DNAJC10: variants seen among roughly 807,000 people sequenced by gnomAD.
The protein encoded by DNAJC10 is endoplasmic reticulum disulfide reductase DNAJC10.
DNAJC10 carries 101 observed loss-of-function variants against 115.0 expected under a neutral mutation model. The ratio of observed to expected loss-of-function variants is 0.88; its 90% CI spans 0.75 to 1.04. The LOEUF (loss-of-function observed/expected upper bound fraction) is 1.04, where lower values mean the gene tolerates loss of function less well. Among genes scored for constraint, DNAJC10 ranks in the 50% least tolerant of loss-of-function variants. The pLI is 0.00. For missense variants in DNAJC10, 981 were observed against 928.8 expected (o/e 1.06, Z -0.73); for synonymous variants, 307 against 301.5 (o/e 1.02, Z -0.19).
chr2:182,786,840 C>T lies in DNAJC10; in HGVS notation c.*9708C>T, dbSNP rs1694955255. ...TAAAATTATGTTGAAATCCTAACCC[C>T]CAAGGTAATGGTATTAGGAATGTGA... is the stretch of plus-strand genomic sequence containing the variant. On this transcript the variant is annotated 3_prime_UTR_variant, in exon 24 of 24. Transcript: ENST00000264065. The T allele has an allele frequency of 6.6e-6, 1 of 152,188 alleles. No individual in the cohort carries two copies. Among genetic ancestry groups the T allele is most frequent in the Admixed American group, 6.5e-5 (1 of 15,284 alleles). The allele number at this position is 152,188 out of a possible 1,614,324, so 9.4% of individuals were successfully genotyped here. A position where few individuals can be genotyped will look rare whatever the true frequency, so the allele number is the denominator to read the frequency against.
Position 182,780,588 on chromosome 2 carries a change from T to G in DNAJC10, c.*3456T>G, listed in dbSNP as rs1384721771. ...GCAAAACAGACTAATACAGTTTCTT[T>G]TCAGTAAGAATTACAAAATTTAGGC... On this transcript the variant is annotated 3_prime_UTR_variant, in exon 24 of 24. Coordinates refer to ENST00000264065, the MANE Select transcript of DNAJC10 (RefSeq NM_018981.4). 1 of 152,148 alleles carries G rather than the reference T, an allele frequency of 6.6e-6. No individual in the cohort carries two copies. Among genetic ancestry groups the G allele is most frequent in the African/African-American group, 2.4e-5 (1 of 41,438 alleles). 9.4% of individuals were successfully genotyped at this position (152,148 alleles called of 1,614,324 possible).
chr2:182,788,545 C>A lies in DNAJC10; in HGVS notation c.*11413C>A. 5.1e-6 allele frequency: 1 copy of A among 196,760 alleles called. No individual in the cohort carries two copies. The highest frequency in any genetic ancestry group is 1.6e-4 in the East Asian group (1 of 6,134). 12.2% of individuals were successfully genotyped at this position (196,760 alleles called of 1,614,324 possible). A position where few individuals can be genotyped will look rare whatever the true frequency, so the allele number is the denominator to read the frequency against. On this transcript the variant is annotated 3_prime_UTR_variant, in exon 24 of 24. Coordinates refer to ENST00000264065, the MANE Select transcript of DNAJC10 (RefSeq NM_018981.4). The stretch of plus-strand genomic sequence containing the variant: ...AAAAGTATTAAAATTTGAAAAATAT[C>A]TTGGAAATAAGGATGGACAGTTTAA...
At chr2:182,739,201 T>C (rs1256885976) in intron 11 of DNAJC10, among the ~76,000 whole-genome samples, 3 of 145,194 alleles carry the variant, frequency 2.1e-5, no homozygotes, top group Admixed American at 6.9e-5. Context: ...TATATATTTA[T>C]ATATATTTAT....
intron 4 of DNAJC10, among the ~76,000 whole-genome samples, chr2:182,720,966 G>A (rs532748627): frequency 4.6e-4 from 70 of 152,072 alleles, no homozygotes; most frequent in African/African-American, 1.6e-3. Flanking sequence ...ATCAATAAAG[G>A]TTCCATATGA....
intron 5 of DNAJC10, 119 bp from the exon 6 acceptor site, chr2:182,728,457 G>A (rs985349560): frequency 2.0e-5 from 12 of 602,152 alleles, no homozygotes; most frequent in South Asian, 1.1e-4. Context: ...AAATGAGAAA[G>A]ACAATATGAA....
In DNAJC10 at chr2:182,791,782, G is replaced by A. The variant is rs955044363; in HGVS notation, c.*14650G>A. 6.6e-6 allele frequency: 1 copy of A among 152,042 alleles called. No homozygotes were observed. Among genetic ancestry groups the A allele is most frequent in the Non-Finnish European group, 1.5e-5 (1 of 67,996 alleles). The allele number at this position is 152,042 out of a possible 1,614,324, so 9.4% of individuals were successfully genotyped here. On this transcript the variant is annotated 3_prime_UTR_variant, in exon 24 of 24. Transcript: ENST00000264065. ...AGGAGTTTAGTCATTTCAGTCACAT[G>A]TTTCTAATACATGATAAGATTTGCA... is the stretch of plus-strand genomic sequence containing the variant.
chr2:182,781,422 A>T lies in DNAJC10; in HGVS notation c.*4290A>T, dbSNP rs772447770. On this transcript the variant is annotated 3_prime_UTR_variant, in exon 24 of 24. Transcript: ENST00000264065. ...TATTGTGAATAGTGCTCCAATAAAC[A>T]TACGTGTGCATGTGTCTTTATAGTA... 8 of 152,212 alleles carry T rather than the reference A, an allele frequency of 5.3e-5. No individual in the cohort carries two copies. The highest frequency in any genetic ancestry group is 1.2e-4 in the Non-Finnish European group (8 of 68,040). The allele number at this position is 152,212 out of a possible 1,614,324, so 9.4% of individuals were successfully genotyped here.
chr2:182,754,854 A>G (rs768403486), intron 16 of DNAJC10, 149 bp from the exon 17 acceptor site: 53 of 1,364,370 alleles, frequency 3.9e-5, no homozygotes, highest in Non-Finnish European at 5.1e-5. Flanking sequence ...CCTTTGCTAA[A>G]TTTGGTGAGA....
chr2:182,769,956 T>G (rs1694516497), intron 22 of DNAJC10, among the ~76,000 whole-genome samples: 2 of 152,246 alleles, frequency 1.3e-5, no homozygotes, highest in Admixed American at 1.3e-4. Flanking sequence ...GTTTTAGATC[T>G]TACGTTTAGG....
Position 182,757,684 on chromosome 2 carries a change from T to A in DNAJC10, c.1810-8T>A, listed in dbSNP as rs1694191252. 1 of 1,510,236 alleles carries A rather than the reference T, an allele frequency of 6.6e-7. No homozygotes were observed. The highest frequency in any genetic ancestry group is 1.4e-5 in the African/African-American group (1 of 71,240). The allele number at this position is 1,510,236 out of a possible 1,614,324, so 93.6% of individuals were successfully genotyped here. A position where few individuals can be genotyped will look rare whatever the true frequency, so the allele number is the denominator to read the frequency against. On this transcript the variant is annotated splice_region_variant and splice_polypyrimidine_tract_variant and intron_variant, in intron 18 of 23. Coordinates refer to ENST00000264065, the MANE Select transcript of DNAJC10 (RefSeq NM_018981.4). ...AGTTATGGAGGTAATCTGTTTTTTC[T>A]TTTACAGACATTAACTGGACTGATC...
chr2:182,757,016 T>G (rs1457268419), intron 18 of DNAJC10, among the ~76,000 whole-genome samples: 1 of 152,154 alleles, frequency 6.6e-6, no homozygotes, highest in Non-Finnish European at 1.5e-5. Flanking sequence ...TTTTTCTAAT[T>G]TTTTTCCTGC....
chr2:182,736,302 T>C lies in DNAJC10; in HGVS notation c.903T>C (p.Cys301=). ...WMDCATQDNL[C]KSLDITTSTT... is the part of the protein sequence containing the mutation. ...ACTGTGCCACCCAGGATAACCTTTG[T>C]AAAAGCTTAGATATTACAACAAGTA... is the stretch of plus-strand genomic sequence containing the variant. The change falls in exon 11 of 24, where the codon TGT becomes TGC. Residue 301 remains cysteine, a synonymous_variant. Coordinates refer to ENST00000264065, the MANE Select transcript of DNAJC10 (RefSeq NM_018981.4). 4 of 1,596,088 alleles carry C rather than the reference T, an allele frequency of 2.5e-6. No individual in the cohort carries two copies. Among genetic ancestry groups the C allele is most frequent in the Non-Finnish European group, 3.4e-6 (4 of 1,173,532 alleles).
chr2:182,728,087 T>C (rs1420110329), intron 5 of DNAJC10, among the ~76,000 whole-genome samples: 1 of 152,232 alleles, frequency 6.6e-6, no homozygotes, highest in African/African-American at 2.4e-5. Context: ...AGGTCTCTTA[T>C]TTTATTCTTT....
intron 22 of DNAJC10, among the ~76,000 whole-genome samples, chr2:182,764,311 A>G (rs1359096266): frequency 1.3e-5 from 2 of 152,292 alleles, no homozygotes; most frequent in East Asian, 3.9e-4. Context: ...CATGTGGCTT[A>G]TCACTGAGGC....
At chr2:182,717,176 TA>T (rs1693016113) in intron 2 of DNAJC10, 104 bp downstream of exon 2, 1 of 152,318 alleles carries the variant, frequency 6.6e-6, no homozygotes, top group South Asian at 2.1e-4. Flanking sequence ...TCTTTGGAAC[TA>T]AAATATAGTG....
chr2:182,738,255 G>C (rs781617267), intron 11 of DNAJC10, among the ~76,000 whole-genome samples: 5 of 152,100 alleles, frequency 3.3e-5, no homozygotes, highest in African/African-American at 4.8e-5. Context: ...TATCTGTTTA[G>C]AATGGGAGCA....
chr2:182,730,657 T>A, intron 8 of DNAJC10: 1 of 399,598 alleles, frequency 2.5e-6, no homozygotes, highest in Non-Finnish European at 4.9e-6. Context: ...CCTTAGGAGA[T>A]CACTGTGTAT....
chr2:182,766,453 A>G (rs1283327273), intron 22 of DNAJC10, among the ~76,000 whole-genome samples: 1 of 152,164 alleles, frequency 6.6e-6, no homozygotes, highest in Non-Finnish European at 1.5e-5. Flanking sequence ...AATGAGTAAT[A>G]CTATACACCA....
chr2:182,730,708 C>G (rs574241464), intron 8 of DNAJC10, among the ~76,000 whole-genome samples: 4 of 152,002 alleles, frequency 2.6e-5, no homozygotes, highest in African/African-American at 4.8e-5. Context: ...ACAAAAAGAT[C>G]AATAATTGGG....
Sources: allele counts gnomAD v4.1 joint callset (sites outside exome capture counted in the v4.1 genomes callset), GRCh38; gene constraint gnomAD v4.1.1; transcripts MANE v1.5; gene names NCBI Gene and HGNC (gene_info 2026-07-23, HGNC 2026-07-21).